Variants in ATP9A observed in about 807,000 individuals in gnomAD.
The protein encoded by ATP9A is ATPase phospholipid transporting 9A.
ATP9A carries 52 observed loss-of-function variants against 144.1 expected under a neutral mutation model. The ratio of observed to expected loss-of-function variants is 0.36; its 90% CI spans 0.29 to 0.45. The LOEUF (loss-of-function observed/expected upper bound fraction) is 0.45. Among genes scored for constraint, ATP9A ranks in the 20% least tolerant of loss-of-function variants. ATP9A has a pLI of 1.00. For synonymous variants in ATP9A, 582 were observed against 557.4 expected, an observed-to-expected ratio of 1.04 and a Z score of -0.62; for missense variants, 947 against 1,392.7, an observed-to-expected ratio of 0.68 and a Z score of 5.09.
chr20:51,622,723 C>T (rs2077231943), intron 18 of ATP9A, among the ~76,000 whole-genome samples: 1 of 152,168 alleles, frequency 6.6e-6, no homozygotes, highest in South Asian at 2.1e-4. Flanking sequence ...GGGTAGATGA[C>T]TTGCCCCAAA....
intron 1 of ATP9A, among the ~76,000 whole-genome samples, chr20:51,749,624 C>CA (rs1379158511): frequency 6.6e-6 from 1 of 151,952 alleles, no homozygotes; most frequent in East Asian, 1.9e-4. Context: ...AGAATAAAAA[C>CA]AAAAAATCTA....
rs990449403 is a variant in ATP9A, at chr20:51,764,954, C to T, written c.68+3348G>A. 3.3e-5 allele frequency among the ~76,000 whole-genome samples: 5 copies of T among 152,184 alleles called. No homozygotes were observed. The East Asian group carries it at 7.7e-4, about 24-fold the overall frequency. On this transcript the variant is annotated intron_variant, in intron 1 of 27. Transcript: ENST00000338821. ...CAGGCTGGTCTCGAACTCCTGACCT[C>T]GAGTGATCCGCCCACCTTGGCCTCC...
intron 9 of ATP9A, among the ~76,000 whole-genome samples, chr20:51,688,534 G>T (rs2077533431): frequency 6.6e-6 from 1 of 152,080 alleles, no homozygotes; most frequent in Admixed American, 6.6e-5. Flanking sequence ...GGAGGTTACA[G>T]TGAGCCAAGA....
At chr20:51,670,239 G>T in intron 12 of ATP9A, 130 bp from the exon 13 acceptor site, 1 of 682,254 alleles carries the variant, frequency 1.5e-6, no homozygotes, top group Non-Finnish European at 2.6e-6. Context: ...GTCCCTGCTG[G>T]GGAAGACACC....
intron 3 of ATP9A, among the ~76,000 whole-genome samples, chr20:51,718,173 C>T (rs2077670597): frequency 6.6e-6 from 1 of 152,124 alleles, no homozygotes; most frequent in Admixed American, 6.6e-5. Context: ...AGACACATGG[C>T]TGCCTTCGAG....
At chr20:51,602,622 A>T (rs142379368) in intron 27 of ATP9A, among the ~76,000 whole-genome samples, 1 of 152,264 alleles carries the variant, frequency 6.6e-6, no homozygotes, top group East Asian at 1.9e-4. Context: ...CTTTCTAGAA[A>T]CTGGGGCTGC....
chr20:51,751,840 G>A (rs558984101), intron 1 of ATP9A, among the ~76,000 whole-genome samples: 37 of 151,914 alleles, frequency 2.4e-4, no homozygotes, highest in African/African-American at 8.0e-4. Flanking sequence ...CGCCCGCCTC[G>A]GCCTCCCAAA....
chr20:51,767,327 G>GC (rs960474733), intron 1 of ATP9A, among the ~76,000 whole-genome samples: 5 of 152,108 alleles, frequency 3.3e-5, no homozygotes, highest in Admixed American at 1.3e-4. Flanking sequence ...TCCAGGCCCC[G>GC]CCCCCCAGAA....
chr20:51,723,398 AG>A (rs2077697819), intron 3 of ATP9A, among the ~76,000 whole-genome samples: 1 of 151,718 alleles, frequency 6.6e-6, no homozygotes, highest in Non-Finnish European at 1.5e-5. Context: ...AATAACCTAT[AG>A]GAAAAAAAAT....
At chr20:51,680,235 A>AAAC (rs2077494522) in intron 9 of ATP9A, among the ~76,000 whole-genome samples, 1 of 151,740 alleles carries the variant, frequency 6.6e-6, no homozygotes, top group African/African-American at 2.4e-5. Context: ...TAAAAAAAAA[A>AAAC]AAAAAAAAAA....
chr20:51,760,598 G>A (rs1024439998), intron 1 of ATP9A, among the ~76,000 whole-genome samples: 3 of 152,030 alleles, frequency 2.0e-5, no homozygotes, highest in Non-Finnish European at 4.4e-5. Flanking sequence ...ATACTGGTAG[G>A]CATGTGTAAT....
Position 51,729,895 on chromosome 20 carries a change from T to C in ATP9A, c.152A>G (p.Gln51Arg). 6.2e-7 allele frequency: 1 copy of C among 1,607,462 alleles called. No individual in the cohort carries two copies. Among genetic ancestry groups the C allele is most frequent in the East Asian group, 2.2e-5 (1 of 44,668 alleles). The change falls in exon 2 of 28, where the codon CAG becomes CGG. Residue 51 changes from glutamine (Q) to arginine (R), a missense_variant. Around this residue, in one of 2 missense-constraint regions of ATP9A, gnomAD observed 770 missense variants for 1,047.9 expected, o/e 0.73. Transcript: ENST00000338821. ...GTTGATGACATTCCGAGGATACCTC[T>C]GGTCTCTCTTCTCGGGGTGCCCCAG... Reference protein sequence around the residue: ...VWLGHPEKRDQRYPRNVINNQ... With the variant: ...VWLGHPEKRDRRYPRNVINNQ...
chr20:51,761,102 A>C (rs148787959), intron 1 of ATP9A, among the ~76,000 whole-genome samples: 1 of 152,340 alleles, frequency 6.6e-6, no homozygotes, highest in East Asian at 1.9e-4. Flanking sequence ...ATCAAAGAGA[A>C]AGGGCATTTT....
intron 15 of ATP9A, among the ~76,000 whole-genome samples, chr20:51,631,638 C>T (rs780350977): frequency 1.3e-5 from 2 of 152,142 alleles, no homozygotes; most frequent in Non-Finnish European, 2.9e-5. Flanking sequence ...AGAGATCGGC[C>T]GGCTGTGTGG....
At chr20:51,756,742 A>C (rs1340499194) in intron 1 of ATP9A, among the ~76,000 whole-genome samples, 1 of 152,134 alleles carries the variant, frequency 6.6e-6, no homozygotes, top group Admixed American at 6.5e-5. Flanking sequence ...TCCAGCTTCA[A>C]ACGTGAATTT....
chr20:51,695,278 T>C (rs2077565682), intron 6 of ATP9A, among the ~76,000 whole-genome samples: 2 of 151,464 alleles, frequency 1.3e-5, no homozygotes, highest in Admixed American at 1.3e-4. Flanking sequence ...AGGTCAGGAG[T>C]TCGAGACCAG....
chr20:51,756,863 A>G (rs1031372378), intron 1 of ATP9A, among the ~76,000 whole-genome samples: 1 of 152,180 alleles, frequency 6.6e-6, no homozygotes, highest in Non-Finnish European at 1.5e-5. Flanking sequence ...ACAATAGTCC[A>G]GACTATATGA....
chr20:51,704,172 A>G, intron 4 of ATP9A, among the ~76,000 whole-genome samples: 1 of 136,768 alleles, frequency 7.3e-6, no homozygotes, highest in East Asian at 2.0e-4. Flanking sequence ...TTGTTTAAAT[A>G]GTGGGAACTT....
intron 1 of ATP9A, among the ~76,000 whole-genome samples, chr20:51,731,071 C>T (rs6123074): frequency 0.22 from 32,814 of 151,586 alleles, 4,133 homozygotes; most frequent in East Asian, 0.44. Flanking sequence ...TTTGGGAGGC[C>T]GAGGCAGGCG....
Sources: gnomAD v4.1 joint callset for allele counts (sites outside exome capture counted in the v4.1 genomes callset) on GRCh38, gnomAD v4.1.1 for gene constraint, gnomAD v4.1.1 regional missense constraint, MANE v1.5 for transcripts, NCBI Gene and HGNC (gene_info 2026-07-23, HGNC 2026-07-21) for gene names.